SYN3: variants seen among roughly 807,000 people sequenced by gnomAD.
SYN3 encodes the protein synapsin-3.
Under a neutral mutation model 65.8 loss-of-function variants are expected in SYN3, and 35 were observed. The ratio of observed to expected loss-of-function variants is 0.53; its 90% CI spans 0.41 to 0.70. SYN3 has a LOEUF of 0.70. Ranked by LOEUF, SYN3 falls within the 30% of genes least tolerant of loss-of-function variation. The probability of loss-of-function intolerance (pLI) is 0.00; values close to 1 mark genes in which losing one functional copy is unlikely to be tolerated. For missense variants in SYN3, 680 were observed against 749.0 expected (o/e 0.91, Z 1.08); for synonymous variants, 270 against 292.9 (o/e 0.92, Z 0.80).
At chr22:32,873,297 G>A (rs2048899573) in intron 4 of SYN3, among the ~76,000 whole-genome samples, 1 of 146,952 alleles carries the variant, frequency 6.8e-6, no homozygotes, top group South Asian at 2.2e-4. Context: ...GTGAGTGAGT[G>A]AGTGAAATAA....
intron 6 of SYN3, among the ~76,000 whole-genome samples, chr22:32,819,160 G>A (rs1254104503): frequency 1.3e-5 from 2 of 152,230 alleles, no homozygotes; most frequent in East Asian, 3.9e-4. Flanking sequence ...TAGGGAGTGA[G>A]GTAGTGAAAG....
At chr22:32,678,486 T>A (rs1314953399) in intron 6 of SYN3, among the ~76,000 whole-genome samples, 2 of 152,172 alleles carry the variant, frequency 1.3e-5, no homozygotes, top group Non-Finnish European at 2.9e-5. Context: ...CCCCACAGCT[T>A]CACTGAAAGT....
intron 6 of SYN3, among the ~76,000 whole-genome samples, chr22:32,734,513 G>GCAGACAGATAGACAGA (rs1555941124): frequency 6.6e-6 from 1 of 151,318 alleles, no homozygotes; most frequent in Non-Finnish European, 1.5e-5. Flanking sequence ...AGGCAGGCAG[G>GCAGACAGATAGACAGA]CAGACAGACA....
chr22:32,763,317 T>G (rs530572240), intron 6 of SYN3, among the ~76,000 whole-genome samples: 18 of 151,706 alleles, frequency 1.2e-4, no homozygotes, highest in African/African-American at 4.3e-4. Flanking sequence ...TGGCTAATTT[T>G]TTTTTTGCAT....
intron 1 of SYN3, among the ~76,000 whole-genome samples, chr22:33,038,770 G>A (rs566109053): frequency 8.5e-6 from 1 of 118,152 alleles, no homozygotes; most frequent in South Asian, 2.4e-4. Context: ...GAGTCAAGTT[G>A]GAAATCTTAA....
Position 32,664,584 on chromosome 22 carries a change from CTTTTTTTTTTTT to C in SYN3, c.712-67860_712-67849del, listed in dbSNP as rs71320943. Among the ~76,000 whole-genome samples, 85 of 69,050 alleles carry C rather than the reference CTTTTTTTTTTTT, an allele frequency of 1.2e-3. 1 individual carries two copies. The highest frequency in any genetic ancestry group is 0.02 in the Middle Eastern group (2 of 100). 45.3% of individuals were successfully genotyped at this position (69,050 alleles called of 152,430 possible). On this transcript the variant is annotated intron_variant, in intron 6 of 13. Coordinates refer to ENST00000358763, the MANE Select transcript of SYN3 (RefSeq NM_003490.4). ...AGCATACACTGTACTCAATTGGTCG[CTTTTTTTTTTTT>C]TTTTTTTTTTTTTTGACAGAGTCTC...
chr22:32,529,274 C>A (rs564950474), intron 10 of SYN3, among the ~76,000 whole-genome samples: 2 of 152,150 alleles, frequency 1.3e-5, no homozygotes, highest in African/African-American at 4.8e-5. Flanking sequence ...GAGCCTCTGC[C>A]GACCTTTTCT....
Position 32,509,294 on chromosome 22 carries a change from T to TGGAG in SYN3, c.*4394_*4397dup, listed in dbSNP as rs1362234456. 1.3e-5 allele frequency among the ~76,000 whole-genome samples: 2 copies of TGGAG among 152,172 alleles called. No homozygotes were observed. Among genetic ancestry groups the TGGAG allele is most frequent in the Non-Finnish European group, 2.9e-5 (2 of 68,036 alleles). ...GTGTTTCAGCTTCCCCGAGTCAGCT[T>TGGAG]GGAGGGAAAATGCTAGCCTCTCTCT... On this transcript the variant is annotated 3_prime_UTR_variant, in exon 14 of 14. Coordinates refer to ENST00000358763, the MANE Select transcript of SYN3 (RefSeq NM_003490.4).
intron 7 of SYN3, among the ~76,000 whole-genome samples, chr22:32,568,369 A>G (rs2058701583): frequency 6.6e-6 from 1 of 152,210 alleles, no homozygotes; most frequent in Admixed American, 6.5e-5. Flanking sequence ...TGTGCTAGGC[A>G]TTGGGAATAC....
chr22:33,038,340 G>C (rs964980730), intron 1 of SYN3, among the ~76,000 whole-genome samples: 4 of 152,216 alleles, frequency 2.6e-5, no homozygotes, highest in African/African-American at 9.6e-5. Flanking sequence ...TTCACAGCCA[G>C]GATGGGGATT....
In SYN3 at chr22:32,711,003, G is replaced by A. The variant is rs148339235; in HGVS notation, c.712-114267C>T. Among the ~76,000 whole-genome samples, 1,048 of 152,276 alleles carry A rather than the reference G, an allele frequency of 6.9e-3. 16 individuals carry two copies. The highest frequency in any genetic ancestry group is 0.024 in the African/African-American group (1,006 of 41,542). Reference sequence around the variant, plus strand: ...TGCCTAACAGTGACATGCCGGAGATGCTCTTCACTCTTCTTCTCCTTCCAC... The same window carrying A: ...TGCCTAACAGTGACATGCCGGAGATACTCTTCACTCTTCTTCTCCTTCCAC... On this transcript the variant is annotated intron_variant, in intron 6 of 13. Coordinates refer to ENST00000358763, the MANE Select transcript of SYN3 (RefSeq NM_003490.4).
intron 7 of SYN3, among the ~76,000 whole-genome samples, chr22:32,590,802 G>T (rs2059117394): frequency 6.6e-6 from 1 of 152,066 alleles, no homozygotes; most frequent in African/African-American, 2.4e-5. Context: ...TATTTATTTG[G>T]CATTTGTTGA....
chr22:32,825,698 GATGTGTGT>G (rs1157423738), intron 6 of SYN3, among the ~76,000 whole-genome samples: 7 of 94,668 alleles, frequency 7.4e-5, no homozygotes, highest in East Asian at 3.5e-4. Flanking sequence ...AAAAAAAAAA[GATGTGTGT>G]ATGTGTGTAT....
chr22:32,525,489 C>T (rs1021912625), intron 12 of SYN3, among the ~76,000 whole-genome samples: 5 of 152,070 alleles, frequency 3.3e-5, no homozygotes, highest in Non-Finnish European at 7.4e-5. Context: ...GGGCGGATCA[C>T]GAGGTCGGGA....
At chr22:32,887,227 T>C (rs578183488) in intron 4 of SYN3, among the ~76,000 whole-genome samples, 5 of 151,772 alleles carry the variant, frequency 3.3e-5, no homozygotes, top group Admixed American at 1.3e-4. Flanking sequence ...AAATAAACAA[T>C]ATTATCCGGG....
intron 6 of SYN3, among the ~76,000 whole-genome samples, chr22:32,836,011 G>A (rs921770666): frequency 3.3e-5 from 5 of 152,196 alleles, no homozygotes; most frequent in African/African-American, 9.7e-5. Flanking sequence ...ACTTGGTGGG[G>A]TGTTTCAGAT....
At chr22:32,531,683 CTTTTT>C (rs130460) in intron 10 of SYN3, among the ~76,000 whole-genome samples, 4 of 148,180 alleles carry the variant, frequency 2.7e-5, no homozygotes, top group African/African-American at 7.5e-5. Flanking sequence ...TCTCTTCTGC[CTTTTT>C]TTTTTTCCCT....
intron 6 of SYN3, among the ~76,000 whole-genome samples, chr22:32,604,730 G>A (rs2059343187): frequency 6.6e-6 from 1 of 152,112 alleles, no homozygotes; most frequent in African/African-American, 2.4e-5. Flanking sequence ...TCATGACTGG[G>A]CGCGGTGGCT....
chr22:32,751,358 TC>T (rs1326085935), intron 6 of SYN3, among the ~76,000 whole-genome samples: 1 of 152,018 alleles, frequency 6.6e-6, no homozygotes, highest in African/African-American at 2.4e-5. Flanking sequence ...AGAAGTTAAC[TC>T]AGAATTCCAG....
Sources: gnomAD v4.1 joint callset for allele counts (sites outside exome capture counted in the v4.1 genomes callset) on GRCh38, gnomAD v4.1.1 for gene constraint, MANE v1.5 for transcripts, NCBI Gene and HGNC (gene_info 2026-07-23, HGNC 2026-07-21) for gene names.